Variants in KCNN2 observed in about 807,000 individuals in gnomAD.
KCNN2 encodes the protein potassium calcium-activated channel subfamily N member 2, also known as small conductance calcium-activated potassium channel protein 2.
A neutral mutation model predicts 55.5 loss-of-function variants in KCNN2; 24 were observed. The ratio of observed to expected loss-of-function variants is 0.43; its 90% CI spans 0.31 to 0.61. The LOEUF (loss-of-function observed/expected upper bound fraction) is 0.61, where lower values mean the gene tolerates loss of function less well. Ranked by LOEUF, KCNN2 falls within the 20% of genes least tolerant of loss-of-function variation. KCNN2 has a pLI of 0.08. For synonymous variants in KCNN2, 431 were observed against 336.1 expected, an observed-to-expected ratio of 1.28 and a Z score of -3.09; for missense variants, 754 against 853.6, an observed-to-expected ratio of 0.88 and a Z score of 1.45.
intron 2 of KCNN2, among the ~76,000 whole-genome samples, chr5:114,384,423 A>G (rs1361692416): frequency 2.0e-5 from 3 of 152,170 alleles, no homozygotes; most frequent in African/African-American, 7.2e-5. Context: ...CCAATACTCA[A>G]TTACCCATGA....
chr5:114,262,798 C>CTT (rs1024564762), intron 2 of KCNN2, among the ~76,000 whole-genome samples: 8 of 152,126 alleles, frequency 5.3e-5, no homozygotes, highest in African/African-American at 1.9e-4. Context: ...TGCAACTTAA[C>CTT]TATCAACCAG....
At chr5:114,319,204 C>T (rs1294008149) in intron 2 of KCNN2, among the ~76,000 whole-genome samples, 2 of 152,184 alleles carry the variant, frequency 1.3e-5, no homozygotes, top group African/African-American at 4.8e-5. Context: ...CCCCTTCTTA[C>T]AGTCAGTTTC....
chr5:114,148,795 C>A (rs1422123081), intron 1 of KCNN2, among the ~76,000 whole-genome samples: 1 of 151,972 alleles, frequency 6.6e-6, no homozygotes, highest in Admixed American at 6.6e-5. Flanking sequence ...GGGGAGAAAA[C>A]AAGGAGAGAT....
chr5:114,378,958 A>C (rs973986066), intron 2 of KCNN2, among the ~76,000 whole-genome samples: 17 of 152,200 alleles, frequency 1.1e-4, no homozygotes, highest in Admixed American at 1.0e-3. Context: ...TTCTGGCAGC[A>C]TGTATAATTT....
At chr5:114,486,957 C>T (rs774324955) in intron 5 of KCNN2, 93 bp from the exon 6 acceptor site, 1,211 of 1,444,288 alleles carry the variant, frequency 8.4e-4, no homozygotes, top group Non-Finnish European at 1.1e-3. Flanking sequence ...TACAGCTCAC[C>T]ATGATCCTTG....
chr5:114,180,175 G>A (rs559916730), intron 1 of KCNN2, among the ~76,000 whole-genome samples: 1 of 152,010 alleles, frequency 6.6e-6, no homozygotes, highest in Non-Finnish European at 1.5e-5. Context: ...CTTCATACTT[G>A]GGCTATGGTT....
intron 2 of KCNN2, among the ~76,000 whole-genome samples, chr5:114,376,284 C>T (rs1279298454): frequency 2.0e-5 from 3 of 152,142 alleles, no homozygotes; most frequent in Non-Finnish European, 2.9e-5. Context: ...CTTAGTCCCT[C>T]AAGCCCATGT....
At chr5:114,369,842 G>A (rs1323802283) in intron 2 of KCNN2, among the ~76,000 whole-genome samples, 1 of 152,100 alleles carries the variant, frequency 6.6e-6, no homozygotes, top group Non-Finnish European at 1.5e-5. Context: ...CCACAAATGG[G>A]TTTTCTAGAG....
intron 1 of KCNN2, among the ~76,000 whole-genome samples, chr5:114,189,131 A>G (rs1753397058): frequency 1.1e-5 from 1 of 92,034 alleles, no homozygotes; most frequent in South Asian, 4.0e-4. Flanking sequence ...AATAGAACCA[A>G]TAGTGTGTGT....
intron 3 of KCNN2, among the ~76,000 whole-genome samples, chr5:114,454,245 A>G (rs1760819382): frequency 1.3e-5 from 2 of 152,090 alleles, no homozygotes; most frequent in South Asian, 2.1e-4. Context: ...TCATCACTCT[A>G]CATCATCTCA....
intron 2 of KCNN2, among the ~76,000 whole-genome samples, chr5:114,371,750 C>G (rs1757764475): frequency 6.6e-6 from 1 of 152,164 alleles, no homozygotes; most frequent in Non-Finnish European, 1.5e-5. Context: ...CCTTCTCAGA[C>G]ATTGAATGTC....
chr5:114,255,077 A>T (rs17162), intron 2 of KCNN2, among the ~76,000 whole-genome samples: 20,100 of 152,174 alleles, frequency 0.13, 1,785 homozygotes, highest in East Asian at 0.53. Context: ...ATAGGTATTT[A>T]TGCAGAGAAA....
chr5:114,072,314 G>A (rs1750590312), intron 1 of KCNN2, among the ~76,000 whole-genome samples: 1 of 150,786 alleles, frequency 6.6e-6, no homozygotes, highest in Admixed American at 6.6e-5. Flanking sequence ...AAGTAATGTC[G>A]ATCCCTTCTT....
At chr5:114,182,139 T>C (rs80149795) in intron 1 of KCNN2, among the ~76,000 whole-genome samples, 1,587 of 152,340 alleles carry the variant, frequency 0.01, 32 homozygotes, top group African/African-American at 0.037. Flanking sequence ...TAAATTACTT[T>C]GGATTCATTG....
At chr5:114,473,260 G>T (rs1270214263) in intron 5 of KCNN2, 96 bp downstream of exon 5, 1 of 804,066 alleles carries the variant, frequency 1.2e-6, no homozygotes, top group East Asian at 2.7e-5. Flanking sequence ...AAGCTGAAAT[G>T]ACATGGTTTG....
chr5:114,252,437 C>T (rs896114957), intron 2 of KCNN2, among the ~76,000 whole-genome samples: 1 of 152,158 alleles, frequency 6.6e-6, no homozygotes, highest in Admixed American at 6.5e-5. Context: ...ATACCTACCA[C>T]ATTCCAGAAA....
intron 1 of KCNN2, among the ~76,000 whole-genome samples, chr5:114,167,781 C>G (rs1431419956): frequency 6.6e-6 from 1 of 152,136 alleles, no homozygotes; most frequent in Non-Finnish European, 1.5e-5. Context: ...ACAATCAAGA[C>G]AGTGAATATT....
At chr5:114,256,614 G>C (rs2150002435) in intron 2 of KCNN2, among the ~76,000 whole-genome samples, 1 of 152,096 alleles carries the variant, frequency 6.6e-6, no homozygotes, top group East Asian at 1.9e-4. Flanking sequence ...TTGCATTTCT[G>C]TAAGGATTAG....
Position 114,473,105 on chromosome 5 carries a change from C to T in KCNN2, c.1831C>T (p.Leu611Phe), listed in dbSNP as rs1233079885. ...VVAVVARKLE[L>F]TKAEKHVHNF... ...AGCTGTAGTGGCAAGGAAGCTAGAA[C>T]TTACCAAAGCAGAAAAACACGTGCA... Residue 611 changes from leucine (L) to phenylalanine (F), a missense_variant, in exon 5 of 8, where the codon CTT becomes TTT. This residue lies in a region of KCNN2 where 86 missense variants were observed against 233.0 expected (regional missense o/e 0.37). Coordinates refer to ENST00000673685, the MANE Select transcript of KCNN2 (RefSeq NM_021614.4). The T allele has an allele frequency of 6.2e-7, 1 of 1,612,690 alleles. No individual in the cohort carries two copies. The highest frequency in any genetic ancestry group is 8.5e-7 in the Non-Finnish European group (1 of 1,179,362).
Sources: gnomAD v4.1 joint callset for allele counts (sites outside exome capture counted in the v4.1 genomes callset) on GRCh38, gnomAD v4.1.1 for gene constraint, gnomAD v4.1.1 regional missense constraint, MANE v1.5 for transcripts, NCBI Gene and HGNC (gene_info 2026-07-23, HGNC 2026-07-21) for gene names.